The following PGBD2 variants were observed in gnomAD, a reference collection of about 807,000 sequenced individuals.
PGBD2 encodes piggyBac transposable element derived 2, also known as piggyBac transposable element-derived protein 2.
A neutral mutation model predicts 8.1 loss-of-function variants in PGBD2; 6 were observed. That is an observed-to-expected ratio of 0.74 (90% CI 0.40 to 1.46). PGBD2 has a LOEUF of 1.46. PGBD2 is among the 40% of genes most tolerant of loss of function. The pLI is 0.02. For missense variants in PGBD2, 802 were observed against 739.0 expected, an observed-to-expected ratio of 1.09 and a Z score of -0.99; for synonymous variants, 318 against 272.2, an observed-to-expected ratio of 1.17 and a Z score of -1.66.
chr1:248,918,277 C>T lies in PGBD2; in HGVS notation c.1693C>T (p.Leu565Phe), dbSNP rs753923377. Reference sequence around the variant, plus strand: ...TCAGGACAAGAGGACCCGGTGTGCCCTCTGCCACTCACAGACCAACACCCG... The same window carrying T: ...TCAGGACAAGAGGACCCGGTGTGCCTTCTGCCACTCACAGACCAACACCCG... ...IHQDKRTRCA[L>F]CHSQTNTRCE... Residue 565 changes from leucine (L) to phenylalanine (F), a missense_variant, in exon 3 of 3, where the codon CTC (leucine) becomes TTC (phenylalanine). By Grantham distance (22) the Leu-to-Phe change is conservative (BLOSUM62 0). Transcript: ENST00000329291. 3 of 1,608,344 alleles carry T rather than the reference C, an allele frequency of 1.9e-6. No homozygotes were observed. The African/African-American group carries it at 4.0e-5, about 21-fold the overall frequency.
At chr1:248,892,423 T>A in the PGBD2 span, among the ~76,000 whole-genome samples, 1 of 151,818 alleles carries the variant, frequency 6.6e-6, no homozygotes, top group Non-Finnish European at 1.5e-5. Context: ...CTGAGTTAGT[T>A]ACAGGACAAT....
chr1:248,904,326 A>G (rs78490764), upstream of PGBD2, among the ~76,000 whole-genome samples: 2,863 of 151,038 alleles, frequency 0.019, 84 homozygotes, highest in African/African-American at 0.065. Context: ...CTGCCATTCT[A>G]CCCCAAATTT....
intron 2 of PGBD2, chr1:248,914,706 G>T: frequency 1.1e-6 from 1 of 902,506 alleles, no homozygotes; most frequent in Non-Finnish European, 1.5e-6. Flanking sequence ...CATTCTCATA[G>T]CCAGGGTGAT....
At chr1:248,878,232 T>G in the PGBD2 span, among the ~76,000 whole-genome samples, 24 of 151,342 alleles carry the variant, frequency 1.6e-4, no homozygotes, top group East Asian at 2.7e-3. Context: ...CAGGCTGGAG[T>G]GCAGGGGCGC....
At chr1:248,907,365 AATCAGGTTTTGT>A (rs1206620326) in intron 1 of PGBD2, among the ~76,000 whole-genome samples, 1 of 152,208 alleles carries the variant, frequency 6.6e-6, no homozygotes, top group African/African-American at 2.4e-5. Flanking sequence ...ACAAATGTAC[AATCAGGTTTTGT>A]ACGGAGACAT....
the PGBD2 span, among the ~76,000 whole-genome samples, chr1:248,930,188 C>G: frequency 3.9e-5 from 6 of 152,062 alleles, no homozygotes; most frequent in Non-Finnish European, 8.8e-5. Context: ...CGTGCCATAA[C>G]ATGGTAAGAT....
the PGBD2 span, among the ~76,000 whole-genome samples, chr1:248,878,519 G>A: frequency 6.6e-6 from 1 of 152,148 alleles, no homozygotes. Flanking sequence ...TAAGGTAAGA[G>A]TGGGGGTTGC....
chr1:248,873,271 T>C, the PGBD2 span, among the ~76,000 whole-genome samples: 1 of 152,168 alleles, frequency 6.6e-6, no homozygotes, highest in Non-Finnish European at 1.5e-5. Context: ...AAACGCAGCC[T>C]GACTTCCCTC....
At position 248,917,076 on chromosome 1, in the gene PGBD2, T is replaced by C. The variant is rs764704407; in HGVS notation, c.492T>C (p.Tyr164=). 3 of 1,613,894 alleles carry C rather than the reference T, an allele frequency of 1.9e-6. No individual in the cohort carries two copies. In the Admixed American group the frequency reaches 5.0e-5, roughly 27 times the overall value. Residue 164 remains tyrosine (Y), a synonymous_variant, in exon 3 of 3, where the codon TAT becomes TAC. Transcript: ENST00000329291. ...TCATTGTTAATGAAACCAATCGTTA[T>C]GCTTGGCAGAAAAATGTCAATTTGA... ...INFIVNETNR[Y]AWQKNVNLSL... is the part of the protein sequence containing the mutation.
At position 248,917,609 on chromosome 1, in the gene PGBD2, G is replaced by A. The variant is rs769163307; in HGVS notation, c.1025G>A (p.Gly342Asp). The change falls in exon 3 of 3, where the codon GGT (glycine) becomes GAT (aspartate). Residue 342 changes from glycine (G) to aspartate (D), a missense_variant. Transcript: ENST00000329291. ...TTTGTGGATGCGCTTCAGGAGCGTG[G>A]TTTTCTGCCATATCACATATTTTTT... Reference protein sequence around the residue: ...IKFVDALQERGFLPYHIFFDK... With the variant: ...IKFVDALQERDFLPYHIFFDK... 6.8e-6 allele frequency: 11 copies of A among 1,614,158 alleles called. No homozygotes were observed. The South Asian group carries it at 1.1e-4, about 16-fold the overall frequency.
At chr1:248,921,180 A>T (rs1179297624), downstream of PGBD2, among the ~76,000 whole-genome samples, 1 of 152,130 alleles carries the variant, frequency 6.6e-6, no homozygotes, top group African/African-American at 2.4e-5. Context: ...TTTTGTTGCC[A>T]TTGCTTTTGG....
upstream of PGBD2, among the ~76,000 whole-genome samples, chr1:248,903,980 T>TAC (rs1229652798): frequency 1.3e-5 from 2 of 152,160 alleles, no homozygotes; most frequent in African/African-American, 4.8e-5. Flanking sequence ...ACCCCATACA[T>TAC]ACACACAAAG....
upstream of PGBD2, among the ~76,000 whole-genome samples, chr1:248,901,636 C>A (rs1413877175): frequency 6.6e-6 from 1 of 152,064 alleles, no homozygotes; most frequent in Non-Finnish European, 1.5e-5. Flanking sequence ...ACTATAAAAA[C>A]CCAGAAGAAA....
At chr1:248,873,736 C>T in the PGBD2 span, among the ~76,000 whole-genome samples, 1 of 152,218 alleles carries the variant, frequency 6.6e-6, no homozygotes, top group Non-Finnish European at 1.5e-5. Context: ...GAACGGGAAG[C>T]GCTGAAACGT....
chr1:248,917,512 G>C lies in PGBD2; in HGVS notation c.928G>C (p.Glu310Gln). The part of the protein sequence containing the change: ...TTSRGYLVWF[E>Q]PSQGTLFTKP... ...CAGCAGAGGCTACTTGGTGTGGTTT[G>C]AGCCCTCACAGGGCACACTGTTTAC... Residue 310 changes from glutamate to glutamine, a missense_variant, in exon 3 of 3, where the codon GAG becomes CAG. Glu to Gln is a conservative substitution (Grantham distance 29, BLOSUM62 2). Transcript: ENST00000329291. 1.9e-6 allele frequency: 3 copies of C among 1,614,154 alleles called. 1 individual carries two copies. In the South Asian group the frequency reaches 3.3e-5, roughly 18 times the overall value.
rs964567546 is a variant in PGBD2, at chr1:248,918,492, C to T, written c.*129C>T. On this transcript the variant is annotated 3_prime_UTR_variant, in exon 3 of 3. Transcript: ENST00000329291. Reference sequence around the variant, plus strand: ...TAATGACTTGATTTTCTATTTTCTCCCTACCCACAATACAGTTATCTTTTT... The same window carrying T: ...TAATGACTTGATTTTCTATTTTCTCTCTACCCACAATACAGTTATCTTTTT... 2 of 866,380 alleles carry T rather than the reference C, an allele frequency of 2.3e-6. No homozygotes were observed. 53.7% of individuals were successfully genotyped at this position (866,380 alleles called of 1,614,324 possible).
At position 248,918,889 on chromosome 1, in the gene PGBD2, A is replaced by T. The variant is rs915474514; in HGVS notation, c.*526A>T. ...GCAGATTTCATATTTTCTTAATGAA[A>T]ATATTTTCCTAATACACATATATCA... On this transcript the variant is annotated 3_prime_UTR_variant, in exon 3 of 3. Coordinates refer to ENST00000329291, the MANE Select transcript of PGBD2 (RefSeq NM_170725.3). 1.8e-5 allele frequency: 3 copies of T among 167,036 alleles called. No individual in the cohort carries two copies. The highest frequency in any genetic ancestry group is 1.3e-4 in the Admixed American group (2 of 15,274). 10.3% of individuals were successfully genotyped at this position (167,036 alleles called of 1,614,324 possible). A position where few individuals can be genotyped will look rare whatever the true frequency, so the allele number is the denominator to read the frequency against.
the PGBD2 span, among the ~76,000 whole-genome samples, chr1:248,883,895 C>T: frequency 2.0e-5 from 3 of 152,132 alleles, no homozygotes; most frequent in East Asian, 3.9e-4. Flanking sequence ...CCGTGCCCGA[C>T]CCTAGTTTCT....
At chr1:248,893,076 T>C in the PGBD2 span, among the ~76,000 whole-genome samples, 3 of 152,248 alleles carry the variant, frequency 2.0e-5, no homozygotes, top group Non-Finnish European at 4.4e-5. Context: ...CCCAGATTTA[T>C]TGAGGTATAA....
Sources: gnomAD v4.1 joint callset for allele counts (sites outside exome capture counted in the v4.1 genomes callset) on GRCh38, gnomAD v4.1.1 for gene constraint, MANE v1.5 for transcripts, NCBI Gene and HGNC (gene_info 2026-07-23, HGNC 2026-07-21) for gene names.